The following NRG3 variants were observed in gnomAD, a reference collection of about 807,000 sequenced individuals.
NRG3 encodes the protein neuregulin 3.
Under a neutral mutation model 66.9 loss-of-function variants are expected in NRG3, and 31 were observed. The ratio of observed to expected loss-of-function variants is 0.46; its 90% confidence interval spans 0.35 to 0.63. The LOEUF (loss-of-function observed/expected upper bound fraction) is 0.63, where lower values mean the gene tolerates loss of function less well. Ranked by LOEUF, NRG3 falls within the 20% of genes least tolerant of loss-of-function variation. The probability of loss-of-function intolerance (pLI) is 0.00; values close to 1 mark genes in which losing one functional copy is unlikely to be tolerated. For synonymous variants in NRG3, 393 were observed against 359.4 expected (o/e 1.09, Z -1.06); for missense variants, 910 against 878.9 (o/e 1.04, Z -0.45).
chr10:82,693,911 G>A (rs2055151396), intron 2 of NRG3, among the ~76,000 whole-genome samples: 2 of 152,220 alleles, frequency 1.3e-5, no homozygotes, highest in South Asian at 4.1e-4. Flanking sequence ...CTGGTGGTTG[G>A]CATGGCCAGC....
At chr10:82,888,806 TG>T (rs1226229230) in intron 4 of NRG3, among the ~76,000 whole-genome samples, 1 of 151,946 alleles carries the variant, frequency 6.6e-6, no homozygotes, top group Non-Finnish European at 1.5e-5. Flanking sequence ...GACAAGGAGT[TG>T]AATTTTTAAA....
chr10:82,391,131 C>T (rs1479578699), intron 2 of NRG3, among the ~76,000 whole-genome samples: 3 of 152,292 alleles, frequency 2.0e-5, no homozygotes, highest in South Asian at 2.1e-4. Flanking sequence ...TAAACATAAA[C>T]GTATGACAAC....
chr10:82,025,326 A>C (rs144614391), intron 1 of NRG3, among the ~76,000 whole-genome samples: 180 of 151,442 alleles, frequency 1.2e-3, no homozygotes, highest in African/African-American at 4.2e-3. Context: ...ACTTTTTTCC[A>C]TGTACGTATA....
chr10:81,910,894 T>C (rs932828030), intron 1 of NRG3, among the ~76,000 whole-genome samples: 1 of 152,194 alleles, frequency 6.6e-6, no homozygotes, highest in Non-Finnish European at 1.5e-5. Flanking sequence ...CTAGCCTCAA[T>C]CATCCTCCTA....
intron 1 of NRG3, among the ~76,000 whole-genome samples, chr10:82,188,736 A>G (rs560775637): frequency 1.2e-4 from 18 of 152,280 alleles, no homozygotes; most frequent in African/African-American, 3.6e-4. Context: ...AGAAGTGCAC[A>G]TTAAAACTAC....
intron 1 of NRG3, among the ~76,000 whole-genome samples, chr10:82,173,820 C>T (rs567916158): frequency 1.3e-5 from 2 of 152,180 alleles, no homozygotes; most frequent in South Asian, 4.1e-4. Flanking sequence ...AACATAGACC[C>T]TCACTCATTC....
At chr10:82,957,090 G>A (rs1410046950) in intron 5 of NRG3, among the ~76,000 whole-genome samples, 2 of 151,946 alleles carry the variant, frequency 1.3e-5, no homozygotes, top group East Asian at 1.9e-4. Context: ...TTACCTTTGG[G>A]TCAATGTTCT....
intron 2 of NRG3, among the ~76,000 whole-genome samples, chr10:82,706,840 A>G (rs1035766802): frequency 5.9e-5 from 9 of 151,838 alleles, no homozygotes; most frequent in African/African-American, 9.7e-5. Context: ...CTAAAAATGC[A>G]AAAATTAGCC....
At chr10:82,884,749 T>TGCAAAGA (rs1160342913) in intron 4 of NRG3, among the ~76,000 whole-genome samples, 25 of 152,240 alleles carry the variant, frequency 1.6e-4, no homozygotes, top group African/African-American at 5.8e-4. Flanking sequence ...TTCTTACTCT[T>TGCAAAGA]CATACTGCAA....
intron 1 of NRG3, among the ~76,000 whole-genome samples, chr10:82,220,974 A>G (rs1203577255): frequency 2.0e-5 from 3 of 152,188 alleles, no homozygotes; most frequent in African/African-American, 7.2e-5. Flanking sequence ...ACAGAAGAAG[A>G]CACTATTGTC....
At chr10:81,878,129 A>G in intron 1 of NRG3, 1 of 1,471,498 alleles carries the variant, frequency 6.8e-7, no homozygotes, top group African/African-American at 1.4e-5. Context: ...CTCTCTTCCT[A>G]CATTCCGTGG....
chr10:82,915,711 A>G (rs116615572), intron 4 of NRG3, among the ~76,000 whole-genome samples: 1,775 of 152,266 alleles, frequency 0.012, 42 homozygotes, highest in African/African-American at 0.04. Context: ...TGTGCTGTAC[A>G]AAAGTCTGAA....
chr10:82,106,776 G>A (rs1364370552), intron 1 of NRG3, among the ~76,000 whole-genome samples: 1 of 152,028 alleles, frequency 6.6e-6, no homozygotes. Flanking sequence ...AAAGTACTGG[G>A]ATTTACAGGT....
intron 1 of NRG3, among the ~76,000 whole-genome samples, chr10:82,292,132 C>T (rs975793834): frequency 5.9e-5 from 9 of 151,994 alleles, no homozygotes; most frequent in African/African-American, 9.7e-5. Flanking sequence ...ACAGTTAAAA[C>T]GATCCCATTA....
chr10:82,586,229 G>T (rs1431723889), intron 2 of NRG3, among the ~76,000 whole-genome samples: 2 of 127,074 alleles, frequency 1.6e-5, no homozygotes, highest in Non-Finnish European at 3.2e-5. Flanking sequence ...TAAAATAAAA[G>T]TTGAAATTAT....
chr10:82,208,368 G>A (rs954281529), intron 1 of NRG3, among the ~76,000 whole-genome samples: 7 of 152,066 alleles, frequency 4.6e-5, no homozygotes, highest in Non-Finnish European at 1.0e-4. Context: ...AAAACTACTG[G>A]AATGACCAGC....
chr10:82,338,151 C>T (rs550403702), intron 1 of NRG3, among the ~76,000 whole-genome samples: 28 of 152,238 alleles, frequency 1.8e-4, no homozygotes, highest in Middle Eastern at 3.4e-3. Flanking sequence ...TGGAATAATG[C>T]AGAAAAGGAT....
intron 1 of NRG3, among the ~76,000 whole-genome samples, chr10:82,031,669 G>T (rs1589843590): frequency 6.6e-6 from 1 of 152,154 alleles, no homozygotes; most frequent in South Asian, 2.1e-4. Context: ...AATAATAACA[G>T]TGATAGTCCT....
Position 82,228,347 on chromosome 10 carries a change from C to T in NRG3, c.824-130392C>T, listed in dbSNP as rs562985767. On this transcript the variant is annotated intron_variant, in intron 1 of 8. Transcript: ENST00000372141. The stretch of plus-strand genomic sequence containing the variant: ...GATTAATTTCTGACATATTGTACCC[C>T]TCATTAGGGATACAGCATTATGATA... 2.6e-5 allele frequency among the ~76,000 whole-genome samples: 4 copies of T among 152,146 alleles called. No homozygotes were observed. The East Asian group carries it at 7.7e-4, about 29-fold the overall frequency.
Sources: gnomAD v4.1 joint callset for allele counts (sites outside exome capture counted in the v4.1 genomes callset) on GRCh38, gnomAD v4.1.1 for gene constraint, MANE v1.5 for transcripts, NCBI Gene and HGNC (gene_info 2026-07-23, HGNC 2026-07-21) for gene names.